The following LINGO2 variants were observed in gnomAD, a reference collection of about 807,000 sequenced individuals.
LINGO2 encodes the protein leucine-rich repeat and immunoglobulin-like domain-containing nogo receptor-interacting protein 2.
A neutral mutation model predicts 30.6 loss-of-function variants in LINGO2; 14 were observed. The ratio of observed to expected loss-of-function variants is 0.46; its 90% CI spans 0.30 to 0.72. LINGO2 has a LOEUF of 0.72. LINGO2 is among the 30% of genes least tolerant of loss of function. The pLI, the probability that LINGO2 is intolerant of heterozygous loss-of-function variation, is 0.07. For synonymous variants in LINGO2, 317 were observed against 288.5 expected (o/e 1.10, Z -1.00); for missense variants, 729 against 751.7 (o/e 0.97, Z 0.35).
At chr9:29,008,741 GT>G in the LINGO2 span, among the ~76,000 whole-genome samples, 2 of 152,012 alleles carry the variant, frequency 1.3e-5, no homozygotes, top group East Asian at 3.9e-4. Context: ...AGAAGTGTCT[GT>G]TCATATCCTT....
intron 4 of LINGO2, among the ~76,000 whole-genome samples, chr9:28,077,572 T>TAGCACTTGAA: frequency 1.3e-5 from 2 of 149,914 alleles, no homozygotes; most frequent in African/African-American, 5.1e-5. Flanking sequence ...AACTATTATC[T>TAGCACTTGAA]TATTTTTTTC....
chr9:28,447,169 T>C (rs569483676), intron 2 of LINGO2, among the ~76,000 whole-genome samples: 1 of 152,206 alleles, frequency 6.6e-6, no homozygotes, highest in East Asian at 1.9e-4. Flanking sequence ...GATTTTTCTG[T>C]ATTACTTTTC....
the LINGO2 span, among the ~76,000 whole-genome samples, chr9:28,714,614 G>A: frequency 4.6e-5 from 7 of 152,140 alleles, no homozygotes; most frequent in East Asian, 1.4e-3. Flanking sequence ...GTGTTTTAAT[G>A]AGCAAGATAA....
At chr9:28,599,208 T>A (rs1394157463) in intron 1 of LINGO2, 2 of 152,108 alleles carry the variant, frequency 1.3e-5, no homozygotes, top group South Asian at 2.1e-4. Flanking sequence ...AACTCCTCCA[T>A]CTCCCCATGG....
the LINGO2 span, among the ~76,000 whole-genome samples, chr9:29,037,412 T>C: frequency 2.6e-5 from 4 of 152,086 alleles, no homozygotes; most frequent in East Asian, 7.7e-4. Context: ...TGGAACTTAA[T>C]TGTAGCTTAT....
At chr9:28,025,040 A>G (rs138538818) in intron 4 of LINGO2, among the ~76,000 whole-genome samples, 1 of 152,280 alleles carries the variant, frequency 6.6e-6, no homozygotes, top group African/African-American at 2.4e-5. Context: ...ACATAATGTG[A>G]GGATTTCTTT....
chr9:28,632,609 ATAT>A (rs1827001387), intron 1 of LINGO2, among the ~76,000 whole-genome samples: 2 of 140,252 alleles, frequency 1.4e-5, no homozygotes, highest in South Asian at 4.5e-4. Context: ...GTAGATAAAT[ATAT>A]TATCTATATA....
chr9:28,447,798 T>C (rs558218442), intron 2 of LINGO2, among the ~76,000 whole-genome samples: 4 of 152,326 alleles, frequency 2.6e-5, no homozygotes, highest in Middle Eastern at 6.8e-3. Context: ...CATTACTTGC[T>C]TGATATAGGA....
chr9:28,634,070 G>C (rs1482029349), intron 1 of LINGO2, among the ~76,000 whole-genome samples: 2 of 152,148 alleles, frequency 1.3e-5, no homozygotes, highest in Non-Finnish European at 2.9e-5. Context: ...AGGGGCAGTG[G>C]TGACTGCAGA....
chr9:27,984,241 G>A (rs944804236), intron 5 of LINGO2, among the ~76,000 whole-genome samples: 2 of 151,760 alleles, frequency 1.3e-5, no homozygotes, highest in Non-Finnish European at 2.9e-5. Context: ...GATCTATGAG[G>A]GTAACAGGTT....
chr9:28,032,094 G>A (rs909921383), intron 4 of LINGO2, among the ~76,000 whole-genome samples: 2 of 151,768 alleles, frequency 1.3e-5, no homozygotes, highest in African/African-American at 4.8e-5. Flanking sequence ...CCGCAGAGCT[G>A]GGGGGAAAAT....
At chr9:29,208,977 C>G in the LINGO2 span, among the ~76,000 whole-genome samples, 1 of 152,000 alleles carries the variant, frequency 6.6e-6, no homozygotes, top group Non-Finnish European at 1.5e-5. Context: ...AGTGATAATC[C>G]TTTTTTTAAA....
chr9:28,167,577 G>C (rs1587126095), intron 4 of LINGO2, among the ~76,000 whole-genome samples: 1 of 152,130 alleles, frequency 6.6e-6, no homozygotes, highest in South Asian at 2.1e-4. Context: ...AGTAGAGGTG[G>C]GGTTTTGCCA....
the LINGO2 span, among the ~76,000 whole-genome samples, chr9:28,872,589 T>C: frequency 6.6e-6 from 1 of 152,148 alleles, no homozygotes; most frequent in Non-Finnish European, 1.5e-5. Context: ...TCAAGTTTGG[T>C]ACATGCTTCC....
intron 1 of LINGO2, among the ~76,000 whole-genome samples, chr9:28,480,220 G>C (rs569254399): frequency 6.6e-6 from 1 of 151,704 alleles, no homozygotes; most frequent in African/African-American, 2.4e-5. Context: ...TTCTAAGAGA[G>C]GTTTAATAAG....
At chr9:28,410,648 A>G (rs1822723612) in intron 2 of LINGO2, among the ~76,000 whole-genome samples, 1 of 152,128 alleles carries the variant, frequency 6.6e-6, no homozygotes, top group South Asian at 2.1e-4. Context: ...CTGACAAAGT[A>G]TAGTAAGAGA....
intron 4 of LINGO2, among the ~76,000 whole-genome samples, chr9:28,064,776 G>C (rs1825262352): frequency 6.6e-6 from 1 of 152,064 alleles, no homozygotes. Flanking sequence ...GGGCTAATCT[G>C]CTTGCCCAAA....
At chr9:29,065,930 T>G in the LINGO2 span, among the ~76,000 whole-genome samples, 3 of 151,990 alleles carry the variant, frequency 2.0e-5, no homozygotes, top group Non-Finnish European at 4.4e-5. Context: ...TTTGTGGTGG[T>G]AGTTATTTCT....
the LINGO2 span, among the ~76,000 whole-genome samples, chr9:29,009,498 G>C: frequency 2.0e-5 from 3 of 152,122 alleles, no homozygotes; most frequent in African/African-American, 4.8e-5. Context: ...TCTTCAAGGA[G>C]AACTACAAAC....
Sources: allele counts gnomAD v4.1 joint callset (sites outside exome capture counted in the v4.1 genomes callset), GRCh38; gene constraint gnomAD v4.1.1; transcripts MANE v1.5; gene names NCBI Gene and HGNC (gene_info 2026-07-23, HGNC 2026-07-21).